The following TPTE2 variants were observed in gnomAD, a reference collection of about 807,000 sequenced individuals.
TPTE2 encodes transmembrane phosphoinositide 3-phosphatase and tensin homolog 2.
In TPTE2, 53 loss-of-function variants were observed where a neutral mutation model predicts 78.6. That is an observed-to-expected ratio of 0.67 (90% confidence interval 0.54 to 0.85). The LOEUF (loss-of-function observed/expected upper bound fraction) is 0.85. TPTE2 is among the 40% of genes least tolerant of loss of function. The probability of loss-of-function intolerance (pLI) is 0.00; values close to 1 mark genes in which losing one functional copy is unlikely to be tolerated. For missense variants in TPTE2, 461 were observed against 623.0 expected (o/e 0.74, Z 2.77); for synonymous variants, 175 against 206.2 (o/e 0.85, Z 1.30).
chr13:19,447,136 C>T (rs955662711), intron 13 of TPTE2, among the ~76,000 whole-genome samples: 1 of 151,978 alleles, frequency 6.6e-6, no homozygotes, highest in Non-Finnish European at 1.5e-5. Flanking sequence ...CAGCAACCAA[C>T]CAGAAGATAG....
At chr13:19,523,802 C>T (rs777628403) in intron 1 of TPTE2, among the ~76,000 whole-genome samples, 2 of 152,076 alleles carry the variant, frequency 1.3e-5, no homozygotes, top group East Asian at 1.9e-4. Flanking sequence ...TTTCTGAACT[C>T]GCAAAATGTG....
At chr13:19,524,067 C>T (rs1380287332) in intron 1 of TPTE2, among the ~76,000 whole-genome samples, 3 of 152,120 alleles carry the variant, frequency 2.0e-5, no homozygotes, top group Admixed American at 6.6e-5. Context: ...CTGACACATT[C>T]CTGGGAATCT....
At chr13:19,540,308 A>ATTAT (rs1294933933), upstream of TPTE2, among the ~76,000 whole-genome samples, 6 of 145,562 alleles carry the variant, frequency 4.1e-5, no homozygotes, top group Admixed American at 6.9e-5. Context: ...TATTATTATT[A>ATTAT]TGGTTTTTTT....
upstream of TPTE2, among the ~76,000 whole-genome samples, chr13:19,504,827 T>TA (rs1868888103): frequency 6.6e-6 from 1 of 152,016 alleles, no homozygotes; most frequent in Non-Finnish European, 1.5e-5. Flanking sequence ...TTTCTGTTGT[T>TA]TCTCTCTCTC....
chr13:19,527,345 C>G (rs1870570601), intron 1 of TPTE2, among the ~76,000 whole-genome samples: 1 of 152,158 alleles, frequency 6.6e-6, no homozygotes, highest in Non-Finnish European at 1.5e-5. Flanking sequence ...ATGACAAATA[C>G]TCAAAGTGGC....
At chr13:19,464,215 T>C (rs1271540774) in intron 10 of TPTE2, among the ~76,000 whole-genome samples, 1 of 152,200 alleles carries the variant, frequency 6.6e-6, no homozygotes, top group East Asian at 1.9e-4. Flanking sequence ...GTTAAGCCCA[T>C]ACCAAATTCA....
chr13:19,425,823 C>A (rs1035900835), intron 18 of TPTE2: 2 of 478,706 alleles, frequency 4.2e-6, no homozygotes, highest in African/African-American at 4.0e-5. Flanking sequence ...CTGTGTGCTG[C>A]CCTCTTCTCT....
intron 6 of TPTE2, among the ~76,000 whole-genome samples, chr13:19,472,379 T>C (rs1227679572): frequency 2.0e-5 from 3 of 152,210 alleles, no homozygotes; most frequent in Non-Finnish European, 4.4e-5. Flanking sequence ...CCTCTATGTA[T>C]TTTGAAATAG....
chr13:19,498,804 A>G (rs1442080773), intron 1 of TPTE2, among the ~76,000 whole-genome samples: 1 of 152,092 alleles, frequency 6.6e-6, no homozygotes, highest in African/African-American at 2.4e-5. Flanking sequence ...AACAATATTA[A>G]CTTTAAATGT....
At chr13:19,473,130 A>C (rs748696250) in intron 6 of TPTE2, among the ~76,000 whole-genome samples, 28 of 152,332 alleles carry the variant, frequency 1.8e-4, no homozygotes, top group South Asian at 1.7e-3. Flanking sequence ...GTGGCCACCA[A>C]TACTGTGACT....
chr13:19,523,744 T>A (rs868435526), intron 1 of TPTE2, among the ~76,000 whole-genome samples: 1 of 152,150 alleles, frequency 6.6e-6, no homozygotes, highest in Non-Finnish European at 1.5e-5. Context: ...CCAAAGGGAT[T>A]ACAGGCATGA....
chr13:19,483,097 C>G (rs938539187), intron 3 of TPTE2, among the ~76,000 whole-genome samples: 1 of 152,204 alleles, frequency 6.6e-6, no homozygotes, highest in East Asian at 1.9e-4. Flanking sequence ...ATCACCTAAG[C>G]CTTTAGCAAG....
chr13:19,425,969 G>A (rs1407949827), intron 18 of TPTE2: 6 of 408,094 alleles, frequency 1.5e-5, no homozygotes, highest in South Asian at 1.8e-5. Context: ...TGAGGTGGGA[G>A]GATTGCTTGA....
intron 1 of TPTE2, among the ~76,000 whole-genome samples, chr13:19,525,392 G>A (rs1870436087): frequency 6.6e-6 from 1 of 152,086 alleles, no homozygotes; most frequent in Admixed American, 6.6e-5. Flanking sequence ...AAATAAAGCT[G>A]CACAGCTACA....
intron 1 of TPTE2, among the ~76,000 whole-genome samples, chr13:19,525,246 C>T (rs1349978924): frequency 9.9e-5 from 15 of 152,134 alleles, no homozygotes; most frequent in Admixed American, 9.2e-4. Context: ...CCAAAGCAAT[C>T]CTGCACAAAA....
At chr13:19,552,665 T>A in the TPTE2 span, 1 of 661,538 alleles carries the variant, frequency 1.5e-6, no homozygotes, top group Non-Finnish European at 2.6e-6. Flanking sequence ...GTTCATTGAC[T>A]GTGGCTAACT....
rs998230945 is a variant in TPTE2, at chr13:19,441,196, C to T, written c.974-3043G>A. 7.9e-5 allele frequency among the ~76,000 whole-genome samples: 12 copies of T among 152,106 alleles called. 1 individual carries two copies. The East Asian group carries it at 9.7e-4, about 12-fold the overall frequency. On this transcript the variant is annotated intron_variant, in intron 13 of 19. Transcript: ENST00000400230. ...AAACCAAATACCGTATGTTCTCACT[C>T]ATAAGTGAAAGCTAAACAATGGGTG...
chr13:19,479,895 C>T (rs556017317), intron 4 of TPTE2, among the ~76,000 whole-genome samples: 140 of 148,442 alleles, frequency 9.4e-4, no homozygotes, highest in Non-Finnish European at 1.6e-3. Context: ...CCTGGGAGGC[C>T]AAGGTTGCAG....
chr13:19,504,663 C>T (rs1868872525), upstream of TPTE2, among the ~76,000 whole-genome samples: 2 of 152,024 alleles, frequency 1.3e-5, no homozygotes, highest in African/African-American at 2.4e-5. Context: ...AAGAAGTTTC[C>T]CTTTTTTGCC....
Sources: allele counts gnomAD v4.1 joint callset (sites outside exome capture counted in the v4.1 genomes callset), GRCh38; gene constraint gnomAD v4.1.1; transcripts MANE v1.5; gene names NCBI Gene and HGNC (gene_info 2026-07-23, HGNC 2026-07-21).